HMGB1: variants seen among roughly 807,000 people sequenced by gnomAD.
HMGB1 encodes the protein high mobility group protein B1.
For synonymous variants in HMGB1, 81 were observed against 84.0 expected, an observed-to-expected ratio of 0.96 and a Z score of 0.19; for missense variants, 79 against 253.5, an observed-to-expected ratio of 0.31 and a Z score of 4.67.
intron 1 of HMGB1, among the ~76,000 whole-genome samples, chr13:30,531,557 T>TGTGTGTGTGTG (rs1173116230): frequency 2.8e-5 from 4 of 144,750 alleles, no homozygotes; most frequent in South Asian, 2.2e-4. Context: ...TGTGTGTGTG[T>TGTGTGTGTGTG]TTTCAGCGAA....
chr13:30,529,980 G>C (rs1385962485), intron 1 of HMGB1, among the ~76,000 whole-genome samples: 2 of 152,084 alleles, frequency 1.3e-5, no homozygotes, highest in African/African-American at 4.8e-5. Context: ...TGGCAATAAA[G>C]AAATGATGTC....
At chr13:30,616,885 A>G (rs1950569971) in exon 1 of HMGB1, 1 of 152,222 alleles carries the variant, frequency 6.6e-6, no homozygotes, top group Admixed American at 6.5e-5. Flanking sequence ...CAAAATACCA[A>G]TTGTGGTTTT....
rs528876932 is a variant in HMGB1, at chr13:30,564,472, A to AAAAC, written c.-15+52195_-15+52198dup. ...CAGAGAGAGAGAGACTCAGTCTCAA[A>AAAAC]AAACAAACAAACAAACAAACAAACC... On this transcript the variant is annotated intron_variant, in intron 1 of 4. Transcript: ENST00000405805. 1.6e-3 allele frequency among the ~76,000 whole-genome samples: 243 copies of AAAAC among 152,130 alleles called. 1 individual carries two copies. The highest frequency in any genetic ancestry group is 4.8e-3 in the African/African-American group (200 of 41,484).
intron 1 of HMGB1, among the ~76,000 whole-genome samples, chr13:30,503,926 C>A (rs1887795408): frequency 6.6e-6 from 1 of 152,044 alleles, no homozygotes; most frequent in Admixed American, 6.6e-5. Context: ...TAGCAAGACC[C>A]TGCCTCCAAA....
chr13:30,597,138 T>A (rs1287568520), intron 1 of HMGB1, among the ~76,000 whole-genome samples: 1 of 152,202 alleles, frequency 6.6e-6, no homozygotes, highest in East Asian at 1.9e-4. Context: ...TACCTGTGAA[T>A]GTGACTTTAT....
At chr13:30,504,022 AT>A (rs56320755) in intron 1 of HMGB1, among the ~76,000 whole-genome samples, 23 of 148,720 alleles carry the variant, frequency 1.5e-4, no homozygotes, top group African/African-American at 5.6e-4. Flanking sequence ...AAAAATCACC[AT>A]TTTTTTTTTT....
intron 1 of HMGB1, among the ~76,000 whole-genome samples, chr13:30,506,769 G>C (rs1371148522): frequency 6.6e-6 from 1 of 152,144 alleles, no homozygotes; most frequent in East Asian, 1.9e-4. Flanking sequence ...GCTGAGTGGG[G>C]TGCGCTCCTG....
chr13:30,525,277 G>C (rs1888337107), intron 1 of HMGB1, among the ~76,000 whole-genome samples: 1 of 152,160 alleles, frequency 6.6e-6, no homozygotes, highest in South Asian at 2.1e-4. Flanking sequence ...TAATTTTGTT[G>C]TCATCACCAT....
At chr13:30,476,288 C>T (rs558430337) in intron 1 of HMGB1, among the ~76,000 whole-genome samples, 1 of 152,060 alleles carries the variant, frequency 6.6e-6, no homozygotes, top group Non-Finnish European at 1.5e-5. Context: ...CAGGCGCAAG[C>T]CACCACACTC....
At chr13:30,502,837 G>A (rs986942181) in intron 1 of HMGB1, among the ~76,000 whole-genome samples, 6 of 151,654 alleles carry the variant, frequency 4.0e-5, no homozygotes, top group East Asian at 3.9e-4. Flanking sequence ...CACCATACCC[G>A]GCTAATTTTT....
intron 1 of HMGB1, among the ~76,000 whole-genome samples, chr13:30,536,170 T>C (rs1034019972): frequency 3.9e-5 from 6 of 152,214 alleles, no homozygotes; most frequent in Admixed American, 3.3e-4. Context: ...CAATAAACAA[T>C]TCTGTGTTGC....
At chr13:30,475,868 G>T (rs75356534) in intron 1 of HMGB1, among the ~76,000 whole-genome samples, 2,353 of 152,218 alleles carry the variant, frequency 0.015, 70 homozygotes, top group African/African-American at 0.054. Context: ...AAGAGGTCAG[G>T]GTTCTCAAGT....
At chr13:30,529,005 G>C (rs1304080160) in intron 1 of HMGB1, among the ~76,000 whole-genome samples, 1 of 142,402 alleles carries the variant, frequency 7.0e-6, no homozygotes, top group Non-Finnish European at 1.5e-5. Flanking sequence ...CTCCAGCCTG[G>C]GCGACAGGGC....
intron 1 of HMGB1, among the ~76,000 whole-genome samples, chr13:30,593,287 T>C (rs925548139): frequency 5.3e-5 from 8 of 152,344 alleles, no homozygotes; most frequent in African/African-American, 1.4e-4. Flanking sequence ...TATCTTTTAA[T>C]AAACAATATG....
At chr13:30,481,590 A>G (rs907116146) in intron 1 of HMGB1, among the ~76,000 whole-genome samples, 4 of 152,236 alleles carry the variant, frequency 2.6e-5, no homozygotes, top group Admixed American at 2.0e-4. Flanking sequence ...CCTTAGGACT[A>G]TAAGATTCAA....
intron 1 of HMGB1, among the ~76,000 whole-genome samples, chr13:30,608,384 C>G (rs891796137): frequency 2.6e-5 from 4 of 152,106 alleles, no homozygotes; most frequent in Admixed American, 6.5e-5. Flanking sequence ...CTAAAAATCA[C>G]AGCAACCCGA....
intron 1 of HMGB1, among the ~76,000 whole-genome samples, chr13:30,612,146 A>G (rs979932138): frequency 2.6e-5 from 4 of 151,570 alleles, no homozygotes; most frequent in African/African-American, 4.8e-5. Context: ...ATATATGTGT[A>G]TGTGTGTGTG....
intron 1 of HMGB1, among the ~76,000 whole-genome samples, chr13:30,488,797 G>C (rs893226601): frequency 1.3e-5 from 2 of 151,770 alleles, no homozygotes; most frequent in African/African-American, 4.8e-5. Context: ...GGGATTACAG[G>C]TATGAGCCAC....
chr13:30,521,953 T>C (rs780800208), intron 1 of HMGB1, among the ~76,000 whole-genome samples: 1 of 152,220 alleles, frequency 6.6e-6, no homozygotes, highest in Non-Finnish European at 1.5e-5. Flanking sequence ...ATTGCACTTA[T>C]TTTTAAAGCA....
Sources: gnomAD v4.1 joint callset for allele counts (sites outside exome capture counted in the v4.1 genomes callset) on GRCh38, gnomAD v4.1.1 for gene constraint, MANE v1.5 for transcripts, NCBI Gene and HGNC (gene_info 2026-07-23, HGNC 2026-07-21) for gene names.